EGLN3: variants seen among roughly 807,000 people sequenced by gnomAD.
EGLN3 encodes egl-9 family hypoxia inducible factor 3.
EGLN3 carries 15 observed loss-of-function variants against 26.0 expected under a neutral mutation model. The observed-to-expected ratio is 0.58, with a 90% CI of 0.39 to 0.89. The LOEUF is 0.89. Among genes scored for constraint, EGLN3 ranks in the 40% least tolerant of loss-of-function variants. The pLI is 0.00. For missense variants in EGLN3, 238 were observed against 311.6 expected (o/e 0.76, Z 1.78); for synonymous variants, 147 against 127.2 (o/e 1.16, Z -1.05).
intron 1 of EGLN3, among the ~76,000 whole-genome samples, chr14:33,947,310 C>T (rs1345769321): frequency 6.6e-6 from 1 of 152,168 alleles, no homozygotes; most frequent in Non-Finnish European, 1.5e-5. Flanking sequence ...GGCCATACAG[C>T]TGTACATTAC....
chr14:33,939,509 C>T (rs1782730740), intron 1 of EGLN3, among the ~76,000 whole-genome samples: 1 of 107,982 alleles, frequency 9.3e-6, no homozygotes, highest in Non-Finnish European at 2.1e-5. Flanking sequence ...CGCGCCCGGC[C>T]GAAACAATCT....
Position 33,928,078 on chromosome 14 carries a change from G to A in EGLN3, c.614+998C>T, listed in dbSNP as rs543135504. ...TGCTAATGTTTTCCCTGTAAGGCCA[G>A]TCATCATGAGATTGGGGAATAACCA... is the stretch of plus-strand genomic sequence containing the variant. On this transcript the variant is annotated intron_variant, in intron 3 of 4. Coordinates refer to ENST00000250457, the MANE Select transcript of EGLN3 (RefSeq NM_022073.4). Among the ~76,000 whole-genome samples, 5 of 152,160 alleles carry A rather than the reference G, an allele frequency of 3.3e-5. No homozygotes were observed. The East Asian group carries it at 9.7e-4, about 29-fold the overall frequency.
At chr14:33,927,176 T>G (rs959337753) in intron 3 of EGLN3, 143 bp from the exon 4 acceptor site, 1 of 248,454 alleles carries the variant, frequency 4.0e-6, no homozygotes, top group African/African-American at 2.3e-5. Context: ...TTTATTTATT[T>G]ATTTATTTAT....
rs758303769 is a variant in EGLN3 at position 33,925,148 on chromosome 14, T to A, written c.*743A>T. 1.3e-5 allele frequency: 2 copies of A among 152,070 alleles called. 1 individual carries two copies. Among genetic ancestry groups the A allele is most frequent in the South Asian group, 4.1e-4 (2 of 4,832 alleles). 9.4% of individuals were successfully genotyped at this position (152,070 alleles called of 1,614,324 possible). ...ATTCCAACAAAGCAACCAAAACAAC[T>A]AATGTCTAGTTTTTTAGCTTCTGGG... On this transcript the variant is annotated 3_prime_UTR_variant, in exon 5 of 5. Coordinates refer to ENST00000250457, the MANE Select transcript of EGLN3 (RefSeq NM_022073.4).
In EGLN3 at chr14:33,950,845, C is replaced by T. The variant is rs907149336; in HGVS notation, c.-93G>A. On this transcript the variant is annotated 5_prime_UTR_variant, in exon 1 of 5. Coordinates refer to ENST00000250457, the MANE Select transcript of EGLN3 (RefSeq NM_022073.4). ...CGAAGCCGAGGCGCGGGGAGCGTGG[C>T]CCGGGGTTCAGAAACCTGCGGCTGC... 24 of 1,229,390 alleles carry T rather than the reference C, an allele frequency of 2.0e-5. No individual in the cohort carries two copies. The highest frequency in any genetic ancestry group is 2.7e-5 in the Non-Finnish European group (24 of 873,188). The allele number at this position is 1,229,390 out of a possible 1,614,324, so 76.2% of individuals were successfully genotyped here. A position where few individuals can be genotyped will look rare whatever the true frequency, so the allele number is the denominator to read the frequency against.
intron 1 of EGLN3, chr14:33,948,446 A>G (rs2064532856): frequency 6.6e-6 from 1 of 152,208 alleles, no homozygotes; most frequent in Admixed American, 6.5e-5. Flanking sequence ...GCTTTGTGAC[A>G]AACCAGCCAA....
chr14:33,939,787 A>G (rs187607773), intron 1 of EGLN3, among the ~76,000 whole-genome samples: 1 of 152,246 alleles, frequency 6.6e-6, no homozygotes, highest in African/African-American at 2.4e-5. Context: ...ATGGAGGCAC[A>G]GAGAGCTTAG....
intron 1 of EGLN3, among the ~76,000 whole-genome samples, chr14:33,945,442 A>G (rs2064511182): frequency 6.6e-6 from 1 of 152,206 alleles, no homozygotes; most frequent in Non-Finnish European, 1.5e-5. Flanking sequence ...AAGGTGAGAC[A>G]ATCAGACTTT....
chr14:33,940,847 G>A (rs567365217), intron 1 of EGLN3, among the ~76,000 whole-genome samples: 14 of 152,172 alleles, frequency 9.2e-5, no homozygotes, highest in East Asian at 3.8e-4. Flanking sequence ...TGTCATTCCC[G>A]AAGCTGGCAG....
At chr14:33,931,581 A>G (rs144012152) in intron 1 of EGLN3, among the ~76,000 whole-genome samples, 2,644 of 152,346 alleles carry the variant, frequency 0.017, 83 homozygotes, top group African/African-American at 0.06. Context: ...ATGCTACAAA[A>G]TCAGAGTCAC....
intron 2 of EGLN3, among the ~76,000 whole-genome samples, 174 bp downstream of exon 2, chr14:33,930,922 T>C (rs141653202): frequency 1.3e-5 from 2 of 152,188 alleles, no homozygotes; most frequent in Admixed American, 1.3e-4. Flanking sequence ...GTTTTCTTCT[T>C]AACAACTTTA....
Position 33,927,015 on chromosome 14 carries a change from C to T in EGLN3, c.633G>A (p.Trp211Ter), listed in dbSNP as rs1467783909. Reference sequence around the variant, plus strand: ...CTGCCCTTTCTTCAGCATCAAAGTACCAGACAGTCATAGCATATCTGTGAA... The same window carrying T: ...CTGCCCTTTCTTCAGCATCAAAGTATCAGACAGTCATAGCATATCTGTGAA... ...SYATRYAMTVWYFDAEERAEA... is the reference protein window; with the variant it reads ...SYATRYAMTV The change falls in exon 4 of 5, where the codon TGG becomes TGA. Residue 211 changes from tryptophan to a stop codon, truncating the protein, a stop_gained. Coordinates refer to ENST00000250457, the MANE Select transcript of EGLN3 (RefSeq NM_022073.4). LOFTEE classifies it high-confidence loss of function. 3 of 1,607,788 alleles carry T rather than the reference C, an allele frequency of 1.9e-6. No individual in the cohort carries two copies. The highest frequency in any genetic ancestry group is 1.1e-5 in the South Asian group (1 of 89,986).
chr14:33,940,041 A>C (rs1473087437), intron 1 of EGLN3, among the ~76,000 whole-genome samples: 1 of 152,258 alleles, frequency 6.6e-6, no homozygotes, highest in Non-Finnish European at 1.5e-5. Flanking sequence ...TTTTTTTAAA[A>C]GAGTGTGCTT....
intron 1 of EGLN3, among the ~76,000 whole-genome samples, chr14:33,941,828 C>A (rs775952317): frequency 6.6e-6 from 1 of 152,158 alleles, no homozygotes; most frequent in African/African-American, 2.4e-5. Flanking sequence ...CTTCAGGGAA[C>A]AGGCACTAGA....
At chr14:33,944,334 C>A (rs1477571483) in intron 1 of EGLN3, among the ~76,000 whole-genome samples, 2 of 152,080 alleles carry the variant, frequency 1.3e-5, no homozygotes, top group Non-Finnish European at 2.9e-5. Context: ...GTTGGCCAGG[C>A]TGGTCTCAAA....
intron 1 of EGLN3, among the ~76,000 whole-genome samples, chr14:33,942,765 A>C (rs1286126936): frequency 6.6e-6 from 1 of 152,218 alleles, no homozygotes; most frequent in East Asian, 1.9e-4. Context: ...AACAATAAGT[A>C]TTTTGGCCTC....
intron 1 of EGLN3, among the ~76,000 whole-genome samples, chr14:33,946,675 T>C (rs2064520535): frequency 1.3e-5 from 2 of 152,136 alleles, no homozygotes; most frequent in Admixed American, 1.3e-4. Context: ...GTCTCTGGAG[T>C]TACACAAATC....
At chr14:33,939,229 G>A (rs1207104822) in intron 1 of EGLN3, among the ~76,000 whole-genome samples, 1 of 137,460 alleles carries the variant, frequency 7.3e-6, no homozygotes, top group Non-Finnish European at 1.6e-5. Context: ...TTTCTTTTTT[G>A]AGACGGAGTC....
chr14:33,944,309 A>G (rs909060797), intron 1 of EGLN3, among the ~76,000 whole-genome samples: 1 of 152,018 alleles, frequency 6.6e-6, no homozygotes. Flanking sequence ...TTTAGTAGAG[A>G]TGGGGTTTCA....
Sources: gnomAD v4.1 joint callset for allele counts (sites outside exome capture counted in the v4.1 genomes callset) on GRCh38, gnomAD v4.1.1 for gene constraint, MANE v1.5 for transcripts, NCBI Gene and HGNC (gene_info 2026-07-23, HGNC 2026-07-21) for gene names.